ATAD2B: variants seen among roughly 807,000 people sequenced by gnomAD.
ATAD2B encodes the protein ATPase family AAA domain-containing protein 2B.
In ATAD2B, 40 loss-of-function variants were observed where a neutral mutation model predicts 167.6. The ratio of observed to expected loss-of-function variants is 0.24; its 90% CI spans 0.19 to 0.31. ATAD2B has a LOEUF of 0.31. Among genes scored for constraint, ATAD2B ranks in the 10% least tolerant of loss-of-function variants. The pLI is 1.00. For missense variants in ATAD2B, 1,242 were observed against 1,757.2 expected (o/e 0.71, Z 5.24); for synonymous variants, 579 against 596.5 (o/e 0.97, Z 0.43).
chr2:23,789,743 T>C (rs1681370192), intron 19 of ATAD2B, among the ~76,000 whole-genome samples: 2 of 152,198 alleles, frequency 1.3e-5, no homozygotes, highest in Non-Finnish European at 2.9e-5. Flanking sequence ...AAATGAACCC[T>C]TAAAAATTCC....
intron 13 of ATAD2B, among the ~76,000 whole-genome samples, chr2:23,845,350 T>A (rs747685739): frequency 6.6e-6 from 1 of 152,084 alleles, no homozygotes; most frequent in African/African-American, 2.4e-5. Flanking sequence ...ACAATAAGAA[T>A]ACTGTTCAGC....
intron 13 of ATAD2B, among the ~76,000 whole-genome samples, chr2:23,852,317 G>T (rs1432260546): frequency 7.9e-5 from 12 of 151,688 alleles, no homozygotes; most frequent in East Asian, 7.7e-4. Context: ...AAGAGACAGG[G>T]TCTCACTATG....
chr2:23,681,858 G>A, the ATAD2B span, among the ~76,000 whole-genome samples: 7 of 152,148 alleles, frequency 4.6e-5, no homozygotes, highest in African/African-American at 1.4e-4. The surrounding 1 kb of genome is among the most constrained non-coding windows in gnomAD (Gnocchi z 4.2). Flanking sequence ...CTGGAGATAC[G>A]TGTGAGCATG....
At chr2:23,772,492 TA>T (rs894626742) in intron 22 of ATAD2B, among the ~76,000 whole-genome samples, 6 of 150,422 alleles carry the variant, frequency 4.0e-5, no homozygotes, top group South Asian at 2.1e-4. Flanking sequence ...GAAGAGAAAC[TA>T]AAAAAAAAGG....
the ATAD2B span, among the ~76,000 whole-genome samples, chr2:23,742,375 T>TAA: frequency 6.6e-6 from 1 of 151,558 alleles, no homozygotes; most frequent in Non-Finnish European, 1.5e-5. Flanking sequence ...TATGCAGCCA[T>TAA]AAAAAATGAT....
the ATAD2B span, among the ~76,000 whole-genome samples, chr2:23,713,740 C>A: frequency 6.6e-6 from 1 of 152,188 alleles, no homozygotes; most frequent in Non-Finnish European, 1.5e-5. Flanking sequence ...CAGCATGTGT[C>A]AGCACTTCAT....
chr2:23,769,709 TG>T lies in ATAD2B; in HGVS notation c.3134-4082del, dbSNP rs144510676. Among the ~76,000 whole-genome samples the T allele has an allele frequency of 7.3e-3, 1,015 of 139,044 alleles. 24 individuals carry two copies. Among genetic ancestry groups the T allele is most frequent in the East Asian group, 0.043 (205 of 4,776 alleles). The allele number at this position is 139,044 out of a possible 152,430, so 91.2% of individuals were successfully genotyped here. Reference sequence around the variant, plus strand: ...ACAAGTGTTTAATGGTGTCTCACTGTGGGTTTTTTTTTTTTTTTTTTTTTGA... The same window carrying T: ...ACAAGTGTTTAATGGTGTCTCACTGTGGTTTTTTTTTTTTTTTTTTTTTGA... On this transcript the variant is annotated intron_variant, in intron 22 of 27. Transcript: ENST00000238789.
intron 13 of ATAD2B, 124 bp from the exon 14 acceptor site, chr2:23,834,202 C>T (rs1469614791): frequency 1.2e-5 from 7 of 603,896 alleles, no homozygotes; most frequent in Non-Finnish European, 1.7e-5. Flanking sequence ...CATTCCGTTG[C>T]CCAGGCTGGA....
chr2:23,819,935 G>A (rs143477841), intron 16 of ATAD2B, 53 bp from the exon 17 acceptor site: 15,382 of 1,323,556 alleles, frequency 0.012, 109 homozygotes, highest in Middle Eastern at 0.019. Flanking sequence ...TTTAATATTC[G>A]TGCCCTACCA....
intron 11 of ATAD2B, 50 bp from the exon 12 acceptor site, chr2:23,863,605 T>A (rs1364495163): frequency 1.4e-6 from 2 of 1,451,246 alleles, no homozygotes; most frequent in East Asian, 5.0e-5. Context: ...TCATCACTGC[T>A]GATAACCAAT....
At chr2:23,754,988 A>C (rs1270903359) in intron 25 of ATAD2B, 2 of 425,128 alleles carry the variant, frequency 4.7e-6, no homozygotes, top group African/African-American at 2.0e-5. Flanking sequence ...CTACAACTTA[A>C]AAAGCCAAGT....
chr2:23,771,275 G>A (rs1678280112), intron 22 of ATAD2B, among the ~76,000 whole-genome samples: 1 of 152,166 alleles, frequency 6.6e-6, no homozygotes, highest in Non-Finnish European at 1.5e-5. Context: ...TCTGGAAGTA[G>A]GGATGCCTTT....
Position 23,773,161 on chromosome 2 carries a change from G to T in ATAD2B, c.3134-7533C>A, listed in dbSNP as rs561847027. On this transcript the variant is annotated intron_variant, in intron 22 of 27. Coordinates refer to ENST00000238789, the MANE Select transcript of ATAD2B (RefSeq NM_017552.4). Reference sequence around the variant, plus strand: ...TTAGAAGAATATTCAAAGTAGAAGGGATGTCTATGATAATCCTAGGTTCTT... The same window carrying T: ...TTAGAAGAATATTCAAAGTAGAAGGTATGTCTATGATAATCCTAGGTTCTT... Among the ~76,000 whole-genome samples, 10 of 152,278 alleles carry T rather than the reference G, an allele frequency of 6.6e-5. No individual in the cohort carries two copies. The South Asian group carries it at 2.1e-3, about 32-fold the overall frequency.
intron 13 of ATAD2B, among the ~76,000 whole-genome samples, chr2:23,843,967 C>T (rs1254155511): frequency 6.6e-6 from 1 of 152,138 alleles, no homozygotes; most frequent in African/African-American, 2.4e-5. Context: ...GAGACAGAGT[C>T]TCACTCTGTC....
At chr2:23,735,022 T>C in the ATAD2B span, among the ~76,000 whole-genome samples, 1 of 152,234 alleles carries the variant, frequency 6.6e-6, no homozygotes, top group Non-Finnish European at 1.5e-5. Context: ...TTACTTTCCA[T>C]TTCACATATT....
chr2:23,870,231 G>A lies in ATAD2B; in HGVS notation c.978-470C>T, dbSNP rs1250117505. ...CGGAAAAAAAAAAAAAAGGAGAATA[G>A]AAAGCCTAAAGTTTTTTTTAAAAGA... On this transcript the variant is annotated intron_variant, in intron 8 of 27. Transcript: ENST00000238789. Among the ~76,000 whole-genome samples the A allele has an allele frequency of 2.1e-5, 3 of 141,872 alleles. 1 individual carries two copies. The highest frequency in any genetic ancestry group is 4.6e-5 in the Non-Finnish European group (3 of 65,168). The allele number at this position is 141,872 out of a possible 152,430, so 93.1% of individuals were successfully genotyped here.
chr2:23,766,758 A>T (rs1677471202), intron 22 of ATAD2B, among the ~76,000 whole-genome samples: 1 of 152,174 alleles, frequency 6.6e-6, no homozygotes, highest in Non-Finnish European at 1.5e-5. Context: ...AAAAAACCCA[A>T]AAGCAAAACA....
intron 22 of ATAD2B, among the ~76,000 whole-genome samples, chr2:23,775,473 A>T (rs1678960330): frequency 6.6e-6 from 1 of 152,104 alleles, no homozygotes; most frequent in Non-Finnish European, 1.5e-5. Flanking sequence ...TGGCCTCTCA[A>T]AGTGCTAGGA....
intron 19 of ATAD2B, among the ~76,000 whole-genome samples, chr2:23,792,694 G>T (rs1056275659): frequency 6.6e-6 from 1 of 151,890 alleles, no homozygotes; most frequent in Non-Finnish European, 1.5e-5. Context: ...CGGGCACGGT[G>T]GCTCACACCT....
Sources: gnomAD v4.1 joint callset for allele counts (sites outside exome capture counted in the v4.1 genomes callset) on GRCh38, gnomAD v4.1.1 for gene constraint, Gnocchi (gnomAD v3.1) non-coding constraint, MANE v1.5 for transcripts, NCBI Gene and HGNC (gene_info 2026-07-23, HGNC 2026-07-21) for gene names.